Variants in AGBL1 observed in about 807,000 individuals in gnomAD.
AGBL1 encodes cytosolic carboxypeptidase 4.
A neutral mutation model predicts 118.9 loss-of-function variants in AGBL1; 130 were observed. The observed-to-expected ratio is 1.09, with a 90% CI of 0.95 to 1.26. AGBL1 has a LOEUF of 1.26. Ranked by LOEUF, AGBL1 falls within the 50% of genes most tolerant of loss-of-function variation. The pLI is 0.00. For synonymous variants in AGBL1, 555 were observed against 478.9 expected, an observed-to-expected ratio of 1.16 and a Z score of -2.08; for missense variants, 1,584 against 1,298.1, an observed-to-expected ratio of 1.22 and a Z score of -3.38.
chr15:86,922,747 C>A (rs1295318398), intron 23 of AGBL1, among the ~76,000 whole-genome samples: 2 of 151,906 alleles, frequency 1.3e-5, no homozygotes, highest in Non-Finnish European at 2.9e-5. Context: ...TTATACATAA[C>A]AAAATAAAAA....
intron 22 of AGBL1, among the ~76,000 whole-genome samples, chr15:86,847,055 G>C (rs2079329736): frequency 6.6e-6 from 1 of 151,922 alleles, no homozygotes; most frequent in South Asian, 2.1e-4. Flanking sequence ...CTACTATTGA[G>C]TTCCTTTAAT....
chr15:86,845,224 T>A (rs1300388040), intron 22 of AGBL1, among the ~76,000 whole-genome samples: 3 of 152,146 alleles, frequency 2.0e-5, no homozygotes, highest in Non-Finnish European at 4.4e-5. Context: ...TCACTTCGAA[T>A]GTATAAATCA....
Position 86,185,557 on chromosome 15 carries a change from C to G in AGBL1, c.488+26531C>G, listed in dbSNP as rs112929747. On this transcript the variant is annotated intron_variant, in intron 5 of 22. Transcript: ENST00000614907. ...TTAAGAAAACGTGGGACATATATAC[C>G]ACGGAATACTATGCAGCCATAAAAA... is the stretch of plus-strand genomic sequence containing the variant. 3.1e-3 allele frequency among the ~76,000 whole-genome samples: 465 copies of G among 152,136 alleles called. 1 individual carries two copies. Among genetic ancestry groups the G allele is most frequent in the African/African-American group, 0.011 (445 of 41,514 alleles).
At chr15:86,519,670 T>A (rs2083162566) in intron 18 of AGBL1, among the ~76,000 whole-genome samples, 2 of 152,152 alleles carry the variant, frequency 1.3e-5, no homozygotes, top group African/African-American at 4.8e-5. Flanking sequence ...ACTCTCCAAA[T>A]CATAACCACC....
intron 17 of AGBL1, among the ~76,000 whole-genome samples, chr15:86,361,630 T>A (rs768334076): frequency 3.2e-4 from 49 of 152,116 alleles, no homozygotes; most frequent in Non-Finnish European, 6.8e-4. Flanking sequence ...GGTTCTTTGA[T>A]GTTGGGGGCA....
At chr15:86,559,469 A>G (rs1328295722) in intron 21 of AGBL1, among the ~76,000 whole-genome samples, 2 of 152,042 alleles carry the variant, frequency 1.3e-5, no homozygotes, top group African/African-American at 2.4e-5. Flanking sequence ...AAAGTTTCAG[A>G]TTTTCTTGGA....
intron 21 of AGBL1, among the ~76,000 whole-genome samples, chr15:86,596,702 T>C (rs4393536): frequency 0.35 from 53,923 of 151,974 alleles, 10,695 homozygotes; most frequent in Middle Eastern, 0.45. Flanking sequence ...TCAAAAACCA[T>C]AAATATCTTA....
chr15:86,143,843 G>A lies in AGBL1; in HGVS notation c.260G>A (p.Arg87Lys), dbSNP rs755489427. The change falls in exon 3 of 23, where the codon AGA becomes AAA. Residue 87 changes from arginine (R) to lysine (K), a missense_variant and splice_region_variant. Physicochemically the swap from Arg to Lys is conservative, Grantham distance 26. Transcript: ENST00000614907. ...LFRLLAKVGL[R>K]DKKIGRKALE... The stretch of plus-strand genomic sequence containing the variant: ...CGGCTGCTGGCCAAAGTTGGCCTAA[G>A]AGGTACTCGTACTCCAAGACCTAAA... The A allele has an allele frequency of 8.7e-6, 14 of 1,613,504 alleles. No homozygotes were observed. Among genetic ancestry groups the A allele is most frequent in the African/African-American group, 2.7e-5 (2 of 74,934 alleles).
chr15:86,125,926 A>T (rs959453), intron 1 of AGBL1, among the ~76,000 whole-genome samples: 85,722 of 152,092 alleles, frequency 0.56, 24,465 homozygotes, highest in African/African-American at 0.63. Flanking sequence ...AGAGAAGAGA[A>T]GCCTGATGTC....
At chr15:86,677,765 G>C (rs532813952) in intron 22 of AGBL1, among the ~76,000 whole-genome samples, 3 of 151,680 alleles carry the variant, frequency 2.0e-5, no homozygotes, top group East Asian at 3.9e-4. Context: ...TTTGTTTGAC[G>C]GACAACACTA....
intron 18 of AGBL1, among the ~76,000 whole-genome samples, chr15:86,442,969 A>G (rs1283628990): frequency 1.3e-5 from 2 of 152,204 alleles, no homozygotes; most frequent in Non-Finnish European, 2.9e-5. Flanking sequence ...GCAAGGAAGT[A>G]AAAGTGATGG....
chr15:86,704,623 T>G (rs113895518), intron 22 of AGBL1, among the ~76,000 whole-genome samples: 4,446 of 152,138 alleles, frequency 0.029, 187 homozygotes, highest in African/African-American at 0.1. Context: ...TATTAAAAAG[T>G]CAGGAAACAA....
At chr15:86,120,900 A>ATTT (rs201787520) in intron 1 of AGBL1, among the ~76,000 whole-genome samples, 24 of 141,904 alleles carry the variant, frequency 1.7e-4, no homozygotes, top group East Asian at 6.2e-4. Flanking sequence ...GCTTTTATGG[A>ATTT]TTTTTTTTTT....
intron 21 of AGBL1, among the ~76,000 whole-genome samples, chr15:86,632,773 G>A (rs1421886128): frequency 1.4e-5 from 2 of 147,548 alleles, no homozygotes; most frequent in East Asian, 2.0e-4. Flanking sequence ...TGCATGTGTA[G>A]TGTTAGGGAT....
intron 21 of AGBL1, among the ~76,000 whole-genome samples, chr15:86,575,668 C>A (rs369566660): frequency 1.4e-4 from 21 of 152,112 alleles, no homozygotes; most frequent in African/African-American, 4.8e-4. Context: ...TGGCTCACTG[C>A]AGTCTTGACT....
At position 86,465,957 on chromosome 15, in the gene AGBL1, A is replaced by G. The variant is rs115017770; in HGVS notation, c.2556-56853A>G. ...ACCCCTCCCCTTTTGAAAATTGCTA[A>G]TAAAACCTTGCTGGTTTTGTAGCTC... On this transcript the variant is annotated intron_variant, in intron 18 of 22. Coordinates refer to ENST00000614907, the MANE Select transcript of AGBL1 (RefSeq NM_001386094.1). Among the ~76,000 whole-genome samples the G allele has an allele frequency of 2.8e-3, 421 of 152,248 alleles. 2 individuals carry two copies. Among genetic ancestry groups the G allele is most frequent in the African/African-American group, 9.5e-3 (396 of 41,534 alleles).
intron 23 of AGBL1, among the ~76,000 whole-genome samples, chr15:86,959,088 T>C (rs1381007721): frequency 6.6e-6 from 1 of 152,070 alleles, no homozygotes; most frequent in African/African-American, 2.4e-5. Context: ...AAAAGGATGA[T>C]GTGAGATTTC....
intron 17 of AGBL1, among the ~76,000 whole-genome samples, chr15:86,351,526 G>A (rs373291236): frequency 8.5e-5 from 13 of 152,076 alleles, no homozygotes; most frequent in African/African-American, 3.1e-4. Flanking sequence ...GTTAACTCTT[G>A]AAATTAACAA....
intron 13 of AGBL1, among the ~76,000 whole-genome samples, chr15:86,267,808 C>A (rs1267666535): frequency 1.3e-5 from 2 of 152,184 alleles, no homozygotes; most frequent in Admixed American, 1.3e-4. Flanking sequence ...AGGCAAGATA[C>A]ATGATTCATC....
Sources: allele counts gnomAD v4.1 joint callset (sites outside exome capture counted in the v4.1 genomes callset), GRCh38; gene constraint gnomAD v4.1.1; transcripts MANE v1.5; gene names NCBI Gene and HGNC (gene_info 2026-07-23, HGNC 2026-07-21).